POMGNT1: variants seen among roughly 807,000 people sequenced by gnomAD.
POMGNT1 encodes the protein protein O-linked-mannose beta-1,2-N-acetylglucosaminyltransferase 1.
Under a neutral mutation model 95.6 loss-of-function variants are expected in POMGNT1, and 67 were observed. The observed-to-expected ratio is 0.70, with a 90% CI of 0.58 to 0.86. The LOEUF (loss-of-function observed/expected upper bound fraction) is 0.86, where lower values mean the gene tolerates loss of function less well. POMGNT1 is among the 40% of genes least tolerant of loss of function. The pLI, the probability that POMGNT1 is intolerant of heterozygous loss-of-function variation, is 0.00. For missense variants in POMGNT1, 719 were observed against 855.2 expected (o/e 0.84, Z 1.99); for synonymous variants, 298 against 317.9 (o/e 0.94, Z 0.66).
intron 2 of POMGNT1, 190 bp from the exon 3 acceptor site, chr1:46,197,274 C>T (rs769991976): frequency 1.9e-5 from 29 of 1,517,042 alleles, no homozygotes; most frequent in Admixed American, 3.9e-5. Context: ...GGAACCTCCC[C>T]TGACACTTCC....
intron 18 of POMGNT1, 61 bp from the exon 19 acceptor site, chr1:46,190,578 A>C: frequency 6.5e-7 from 1 of 1,539,016 alleles, no homozygotes; most frequent in South Asian, 1.1e-5. Flanking sequence ...CATGGGTAGC[A>C]CTGAGCAGGG....
chr1:46,194,691 A>G, intron 7 of POMGNT1, 40 bp from the exon 8 acceptor site: 1 of 1,614,180 alleles, frequency 6.2e-7, no homozygotes, highest in South Asian at 1.1e-5. Context: ...GGGCCCAGAC[A>G]CCAGTTTGGG....
rs1273758064 is a variant in POMGNT1 at position 46,195,029 on chromosome 1, G to A, written c.535-68C>T. 10 of 1,374,800 alleles carry A rather than the reference G, an allele frequency of 7.3e-6. No individual in the cohort carries two copies. In the Admixed American group the frequency reaches 1.0e-4, roughly 14 times the overall value. 85.2% of individuals were successfully genotyped at this position (1,374,800 alleles called of 1,614,324 possible). On this transcript the variant is annotated intron_variant, in intron 6 of 21. Transcript: ENST00000371984. ...CAGGAGACCTGGCCTCACAGAGCAC[G>A]AACTATGTAGCAACCTTTTACTTAA...
intron 20 of POMGNT1, 107 bp from the exon 21 acceptor site, chr1:46,189,674 T>C: frequency 2.0e-6 from 3 of 1,533,392 alleles, no homozygotes; most frequent in Middle Eastern, 1.9e-4. Context: ...ACCACCTCAA[T>C]TTGTAAGAGA....
upstream of POMGNT1, among the ~76,000 whole-genome samples, chr1:46,202,920 G>GTGGGTGTGTGTGTGTGT (rs540959987): frequency 1.6e-5 from 1 of 64,516 alleles, no homozygotes; most frequent in Admixed American, 1.9e-4. Context: ...GGGGGGGGGT[G>GTGGGTGTGTGTGTGTGT]GTGTGTGTGT....
rs1263918453 is a variant in POMGNT1, at chr1:46,192,434, C to G, written c.1287G>C (p.Gly429=). 8.1e-6 allele frequency: 13 copies of G among 1,614,144 alleles called. No homozygotes were observed. The highest frequency in any genetic ancestry group is 1.1e-5 in the Non-Finnish European group (13 of 1,180,024). ...CTGGGTCCTCAGCCGTGTGTTCATA[C>G]CCCTGGGGACAGGGTGCCATAGTGG... The part of the protein sequence containing the change: ...LYCISAWNDQ[G]YEHTAEDPAL... Residue 429 remains glycine, a splice_region_variant and synonymous_variant, in exon 16 of 22, where the codon GGG becomes GGC. Coordinates refer to ENST00000371984, the MANE Select transcript of POMGNT1 (RefSeq NM_017739.4).
intron 13 of POMGNT1, 92 bp from the exon 14 acceptor site, chr1:46,193,050 C>T: frequency 5.0e-6 from 8 of 1,600,794 alleles, no homozygotes; most frequent in Non-Finnish European, 6.8e-6. Flanking sequence ...GGCAGCATTA[C>T]CCCCATTTTC....
At position 46,193,629 on chromosome 1, in the gene POMGNT1, A is replaced by G. The variant is rs1331280914; in HGVS notation, c.961T>C (p.Ser321Pro). Residue 321 changes from serine (S) to proline (P), a missense_variant, in exon 11 of 22, where the codon TCT (serine) becomes CCT (proline). Around this residue, in one of 5 missense-constraint regions of POMGNT1, gnomAD observed 466 missense variants for 517.4 expected, o/e 0.90. Transcript: ENST00000371984. The part of the protein sequence containing the change: ...RPNYLYRMLR[S>P]LLSAQGVSPQ... ...GACACCCCCTGGGCTGAAAGCAGAG[A>G]GCGCAGCATCCTGGGGAGCCCAGGG... is the stretch of plus-strand genomic sequence containing the variant. 1.9e-6 allele frequency: 3 copies of G among 1,614,084 alleles called. No individual in the cohort carries two copies. Among genetic ancestry groups the G allele is most frequent in the Non-Finnish European group, 2.5e-6 (3 of 1,180,036 alleles).
chr1:46,189,702 T>C, intron 20 of POMGNT1, 135 bp from the exon 21 acceptor site: 1 of 1,547,920 alleles, frequency 6.5e-7, no homozygotes, highest in Non-Finnish European at 8.7e-7. Flanking sequence ...TTTTAGAATA[T>C]GAATTTGGAC....
In POMGNT1 at chr1:46,194,354, G is replaced by A. The variant is rs148131756; in HGVS notation, c.799C>T (p.Arg267Cys). Reference protein sequence around the residue: ...ADTELNRRRRRFCSKVEGYGS... With the variant: ...ADTELNRRRRCFCSKVEGYGS... ...TAGCCCTCAACTTTGCTGCAGAAGCGCCGGCGGCGACGGTTCAGCTCTGTG... is the reference window on the plus strand; with the variant it reads ...TAGCCCTCAACTTTGCTGCAGAAGCACCGGCGGCGACGGTTCAGCTCTGTG... Residue 267 changes from arginine to cysteine, a missense_variant, in exon 9 of 22, where the codon CGC becomes TGC. By Grantham distance (180) the Arg-to-Cys change is radical (BLOSUM62 -3). Around this residue, in one of 5 missense-constraint regions of POMGNT1, gnomAD observed 466 missense variants for 517.4 expected, o/e 0.90. Coordinates refer to ENST00000371984, the MANE Select transcript of POMGNT1 (RefSeq NM_017739.4). 6 of 1,614,194 alleles carry A rather than the reference G, an allele frequency of 3.7e-6. No homozygotes were observed. The highest frequency in any genetic ancestry group is 2.2e-5 in the South Asian group (2 of 91,090).
Position 46,189,317 on chromosome 1 carries a change from G to C in POMGNT1, c.1936C>G (p.Pro646Ala). Residue 646 changes from proline to alanine, a missense_variant, in exon 22 of 22, where the codon CCA becomes GCA. Coordinates refer to ENST00000371984, the MANE Select transcript of POMGNT1 (RefSeq NM_017739.4). ...PPSVTPIFLEPPPKEEGAPGA... is the reference protein window; with the variant it reads ...PPSVTPIFLEAPPKEEGAPGA... ...GGGGCTCCCTCCTCCTTTGGGGGTG[G>C]CTCCAGGAAAATTGGGGTGACTGAG... 1 of 1,613,820 alleles carries C rather than the reference G, an allele frequency of 6.2e-7. No individual in the cohort carries two copies. Among genetic ancestry groups the C allele is most frequent in the African/African-American group, 1.3e-5 (1 of 75,032 alleles).
intron 17 of POMGNT1, 120 bp from the exon 18 acceptor site, chr1:46,190,904 T>A: frequency 1.1e-6 from 1 of 940,328 alleles, no homozygotes; most frequent in Non-Finnish European, 1.7e-6. Flanking sequence ...AAGAGCCCTC[T>A]AATTTCCCAC....
At chr1:46,211,925 C>G (rs1034760916) in intron 1 of POMGNT1, among the ~76,000 whole-genome samples, 1 of 152,086 alleles carries the variant, frequency 6.6e-6, no homozygotes, top group Non-Finnish European at 1.5e-5. Context: ...CAACGCCTGG[C>G]CAATTTTTGT....
chr1:46,197,435 C>A, intron 2 of POMGNT1: 1 of 1,493,010 alleles, frequency 6.7e-7, no homozygotes, highest in South Asian at 1.2e-5. Context: ...GCCCTAACTG[C>A]CTCACAGGGG....
At chr1:46,216,043 C>CTTTT (rs141982741) in intron 1 of POMGNT1, among the ~76,000 whole-genome samples, 1,180 of 92,542 alleles carry the variant, frequency 0.013, 11 homozygotes, top group Non-Finnish European at 0.014. Context: ...TTTATTTTAT[C>CTTTT]TTTTTTTTTT....
chr1:46,201,646 C>T (rs1658535038), upstream of POMGNT1, among the ~76,000 whole-genome samples: 2 of 138,452 alleles, frequency 1.4e-5, 1 homozygote, highest in Non-Finnish European at 3.0e-5. Flanking sequence ...TGCAGTGAGT[C>T]AAGATCGTGC....
At chr1:46,216,398 G>A (rs1176439150) in intron 1 of POMGNT1, among the ~76,000 whole-genome samples, 2 of 152,096 alleles carry the variant, frequency 1.3e-5, no homozygotes, top group Non-Finnish European at 2.9e-5. Context: ...GCTGGGTGCA[G>A]TGGCACCACC....
rs971791653 is a variant in POMGNT1, at chr1:46,189,523, G to A, written c.1830C>T (p.Gly610=). Residue 610 remains glycine, a synonymous_variant, in exon 21 of 22, where the codon GGC becomes GGT. Coordinates refer to ENST00000371984, the MANE Select transcript of POMGNT1 (RefSeq NM_017739.4). Reference sequence around the variant, plus strand: ...TCTTCTTCCGAAACAATCTCCACAGGCCCCGATGGTTGCCACGCACATCCA... The same window carrying A: ...TCTTCTTCCGAAACAATCTCCACAGACCCCGATGGTTGCCACGCACATCCA... ...WDLDVRGNHR[G]LWRLFRKKNH... The A allele has an allele frequency of 1.2e-6, 2 of 1,613,534 alleles. No homozygotes were observed. The highest frequency in any genetic ancestry group is 1.7e-6 in the Non-Finnish European group (2 of 1,179,782).
Position 46,197,242 on chromosome 1 carries a change from G to C in POMGNT1, c.121-158C>G, listed in dbSNP as rs147677444. On this transcript the variant is annotated intron_variant, in intron 2 of 21. Transcript: ENST00000371984. ...GCTCTACTCCCCTGACCAGGGCCTA[G>C]TTTCACAGCCACTTTCCCCAGGGAA... 1,737 of 1,550,082 alleles carry C rather than the reference G, an allele frequency of 1.1e-3. 17 individuals carry two copies. The African/African-American group carries it at 0.015, about 13-fold the overall frequency.
Sources: allele counts gnomAD v4.1 joint callset (sites outside exome capture counted in the v4.1 genomes callset), GRCh38; gene constraint gnomAD v4.1.1; regional missense constraint gnomAD v4.1.1; transcripts MANE v1.5; gene names NCBI Gene and HGNC (gene_info 2026-07-23, HGNC 2026-07-21).